The following CMIP variants were observed in gnomAD, a reference collection of about 807,000 sequenced individuals.
CMIP encodes the protein C-Maf-inducing protein.
A neutral mutation model predicts 97.3 loss-of-function variants in CMIP; 13 were observed. That is an observed-to-expected ratio of 0.13 (90% confidence interval 0.09 to 0.21). The LOEUF is 0.21. Among genes scored for constraint, CMIP ranks in the 10% least tolerant of loss-of-function variants. The pLI is 1.00. For synonymous variants in CMIP, 538 were observed against 436.3 expected, an observed-to-expected ratio of 1.23 and a Z score of -2.91; for missense variants, 847 against 1,024.9, an observed-to-expected ratio of 0.83 and a Z score of 2.37.
At chr16:81,697,435 C>G (rs1329757213) in intron 14 of CMIP, 1 of 152,252 alleles carries the variant, frequency 6.6e-6, no homozygotes, top group African/African-American at 2.4e-5. Flanking sequence ...GCAGCCTCGC[C>G]GACTCCACTT....
At chr16:81,537,364 G>A (rs1026506463) in intron 1 of CMIP, among the ~76,000 whole-genome samples, 6 of 151,394 alleles carry the variant, frequency 4.0e-5, no homozygotes, top group Non-Finnish European at 8.8e-5. Flanking sequence ...GTAAAACCCT[G>A]TCTCTACTAA....
intron 3 of CMIP, among the ~76,000 whole-genome samples, chr16:81,625,480 A>C (rs755282449): frequency 6.6e-6 from 1 of 152,134 alleles, no homozygotes; most frequent in Non-Finnish European, 1.5e-5. Context: ...TCTGCACATG[A>C]GGCTGTGAGG....
chr16:81,627,191 AGTGT>A lies in CMIP; in HGVS notation c.477+6275_477+6278del. ...TGGCCTGTAGGGTGACTATTTTATGAGTGTGTGTGTGTGGCATGTGGGATGACTG... is the reference window on the plus strand; with the variant it reads ...TGGCCTGTAGGGTGACTATTTTATGAGTGTGTGTGGCATGTGGGATGACTG... On this transcript the variant is annotated intron_variant, in intron 3 of 20. Coordinates refer to ENST00000537098, the MANE Select transcript of CMIP (RefSeq NM_198390.3). This position sits in a 1 kb window ranked among gnomAD's most constrained non-coding sequence, Gnocchi z 4.6. Among the ~76,000 whole-genome samples, 1 of 128,268 alleles carries A rather than the reference AGTGT, an allele frequency of 7.8e-6. No homozygotes were observed. Among genetic ancestry groups the A allele is most frequent in the African/African-American group, 3.0e-5 (1 of 33,618 alleles). The allele number at this position is 128,268 out of a possible 152,430, so 84.1% of individuals were successfully genotyped here. A position where few individuals can be genotyped will look rare whatever the true frequency, so the allele number is the denominator to read the frequency against.
chr16:81,558,206 G>A (rs1294545035), intron 1 of CMIP, among the ~76,000 whole-genome samples: 1 of 152,210 alleles, frequency 6.6e-6, no homozygotes, highest in African/African-American at 2.4e-5. Flanking sequence ...GAGGACACGA[G>A]GTTGCTTCCA....
At chr16:81,504,740 C>A (rs891706250) in intron 1 of CMIP, among the ~76,000 whole-genome samples, 1 of 151,818 alleles carries the variant, frequency 6.6e-6, no homozygotes, top group African/African-American at 2.4e-5. Context: ...CTGTGCCATT[C>A]CACGAGTGGT....
intron 1 of CMIP, among the ~76,000 whole-genome samples, chr16:81,570,862 G>C (rs571828490): frequency 3.4e-4 from 51 of 152,206 alleles, no homozygotes; most frequent in African/African-American, 1.1e-3. Flanking sequence ...TGTGTCCCAG[G>C]TGCGTGACTG....
chr16:81,465,950 G>A (rs2150742021), intron 1 of CMIP, among the ~76,000 whole-genome samples: 1 of 152,230 alleles, frequency 6.6e-6, no homozygotes, highest in East Asian at 1.9e-4. Context: ...CCCTTGCAGA[G>A]AAGAAGCTGG....
chr16:81,682,690 C>T (rs73600455), intron 10 of CMIP, among the ~76,000 whole-genome samples: 232 of 152,344 alleles, frequency 1.5e-3, no homozygotes, highest in African/African-American at 5.2e-3. Context: ...GTGCAGGTCG[C>T]AGGGTGCACA....
At chr16:81,521,632 AG>A in intron 1 of CMIP, among the ~76,000 whole-genome samples, 1 of 152,136 alleles carries the variant, frequency 6.6e-6, no homozygotes, top group Non-Finnish European at 1.5e-5. Context: ...TTCTTCAAAA[AG>A]CCCCTCCCTG....
At chr16:81,477,386 C>T (rs989666070) in intron 1 of CMIP, among the ~76,000 whole-genome samples, 1 of 152,216 alleles carries the variant, frequency 6.6e-6, no homozygotes, top group African/African-American at 2.4e-5. Context: ...GTCTCGAACT[C>T]CTGGCCTCAG....
At chr16:81,566,801 A>G (rs947898993) in intron 1 of CMIP, among the ~76,000 whole-genome samples, 1 of 152,264 alleles carries the variant, frequency 6.6e-6, no homozygotes, top group Non-Finnish European at 1.5e-5. Flanking sequence ...ATAGTTATAC[A>G]ATGGAGTACT....
At chr16:81,591,234 C>A (rs4503787) in intron 1 of CMIP, among the ~76,000 whole-genome samples, 55,805 of 152,074 alleles carry the variant, frequency 0.37, 12,446 homozygotes, top group South Asian at 0.57. Context: ...ATGGGTCATT[C>A]GTGGGGAGAT....
intron 1 of CMIP, among the ~76,000 whole-genome samples, chr16:81,545,049 G>T (rs960378009): frequency 2.0e-5 from 3 of 151,984 alleles, no homozygotes; most frequent in Non-Finnish European, 4.4e-5. Flanking sequence ...TTTTGCTGTT[G>T]CCCAAAAGAG....
chr16:81,487,666 C>G (rs1597468765), intron 1 of CMIP, among the ~76,000 whole-genome samples: 1 of 152,240 alleles, frequency 6.6e-6, no homozygotes, highest in African/African-American at 2.4e-5. Context: ...CACTTAACCA[C>G]TCTGAGCCTC....
intron 17 of CMIP, among the ~76,000 whole-genome samples, 181 bp downstream of exon 17, chr16:81,702,850 G>A (rs368332340): frequency 8.5e-5 from 13 of 152,160 alleles, no homozygotes; most frequent in African/African-American, 2.9e-4. Flanking sequence ...GAAGAGAAAT[G>A]AAAACCAAAA....
chr16:81,582,113 C>T (rs1433143512), intron 1 of CMIP, among the ~76,000 whole-genome samples: 3 of 152,074 alleles, frequency 2.0e-5, no homozygotes, highest in Admixed American at 1.3e-4. Context: ...CTCACTATCA[C>T]GCCAACAATA....
intron 3 of CMIP, among the ~76,000 whole-genome samples, chr16:81,624,559 T>G (rs190956878): frequency 6.6e-6 from 1 of 152,118 alleles, no homozygotes; most frequent in Admixed American, 6.5e-5. Flanking sequence ...CAAGTTGGAC[T>G]TGCATCTCTA....
chr16:81,577,157 TACC>T (rs1009118218), intron 1 of CMIP, among the ~76,000 whole-genome samples: 1 of 144,720 alleles, frequency 6.9e-6, no homozygotes, highest in African/African-American at 2.7e-5. Context: ...TCATCCCCAT[TACC>T]ACTACATTAT....
intron 1 of CMIP, among the ~76,000 whole-genome samples, chr16:81,560,899 C>T (rs1051066167): frequency 6.6e-5 from 10 of 152,172 alleles, no homozygotes; most frequent in African/African-American, 2.4e-4. Flanking sequence ...GATGTTCACA[C>T]AATGGCATAA....
Sources: allele counts gnomAD v4.1 joint callset (sites outside exome capture counted in the v4.1 genomes callset), GRCh38; gene constraint gnomAD v4.1.1; non-coding constraint Gnocchi (gnomAD v3.1); transcripts MANE v1.5; gene names NCBI Gene and HGNC (gene_info 2026-07-23, HGNC 2026-07-21).